NAALADL2: variants seen among roughly 807,000 people sequenced by gnomAD.
NAALADL2 encodes inactive N-acetylated-alpha-linked acidic dipeptidase-like protein 2.
Under a neutral mutation model 87.2 loss-of-function variants are expected in NAALADL2, and 76 were observed. The observed-to-expected ratio is 0.87, with a 90% CI of 0.72 to 1.05. The LOEUF (loss-of-function observed/expected upper bound fraction) is 1.05, where lower values mean the gene tolerates loss of function less well. NAALADL2 is among the 50% of genes least tolerant of loss of function. The pLI is 0.00. For synonymous variants in NAALADL2, 354 were observed against 331.0 expected, an observed-to-expected ratio of 1.07 and a Z score of -0.75; for missense variants, 1,089 against 945.8, an observed-to-expected ratio of 1.15 and a Z score of -1.99.
At chr3:174,584,956 A>T (rs1392199417) in intron 2 of NAALADL2, among the ~76,000 whole-genome samples, 2 of 152,290 alleles carry the variant, frequency 1.3e-5, no homozygotes, top group East Asian at 3.9e-4. Flanking sequence ...TATAAATCTA[A>T]TATTTCAGTC....
chr3:174,815,255 G>A (rs1326463989), intron 3 of NAALADL2, among the ~76,000 whole-genome samples: 1 of 152,078 alleles, frequency 6.6e-6, no homozygotes, highest in Non-Finnish European at 1.5e-5. Flanking sequence ...TATTTTCTCG[G>A]AGTGCTGGAG....
intron 5 of NAALADL2, among the ~76,000 whole-genome samples, chr3:175,374,020 T>A (rs1308293802): frequency 1.3e-5 from 2 of 151,164 alleles, no homozygotes; most frequent in African/African-American, 4.9e-5. Flanking sequence ...TACTATTGAA[T>A]TTTTTTATAT....
At chr3:175,068,550 C>A (rs1714972819) in intron 1 of NAALADL2, among the ~76,000 whole-genome samples, 1 of 152,060 alleles carries the variant, frequency 6.6e-6, no homozygotes, top group Non-Finnish European at 1.5e-5. Flanking sequence ...TTGTCTCTCG[C>A]AAACTTGGGA....
intron 3 of NAALADL2, among the ~76,000 whole-genome samples, chr3:174,775,885 C>T (rs1006170048): frequency 6.6e-6 from 1 of 152,152 alleles, no homozygotes; most frequent in African/African-American, 2.4e-5. Flanking sequence ...CCGTAAAGGG[C>T]AATCTGAGTG....
At chr3:174,950,305 A>G (rs1740144032) in intron 1 of NAALADL2, among the ~76,000 whole-genome samples, 1 of 152,098 alleles carries the variant, frequency 6.6e-6, no homozygotes, top group African/African-American at 2.4e-5. Flanking sequence ...AGAGTTCCCA[A>G]AAGTTTTATA....
At position 174,658,774 on chromosome 3, in the gene NAALADL2, A is replaced by G. The variant is rs1445693030; in HGVS notation, c.-114-78867A>G. 2.6e-5 allele frequency among the ~76,000 whole-genome samples: 4 copies of G among 152,312 alleles called. No individual in the cohort carries two copies. In the East Asian group the frequency reaches 5.8e-4, roughly 22 times the overall value. On this transcript the variant is annotated intron_variant, in intron 2 of 3. Transcript: ENST00000434257. ...CTAAGTGATAAGAAAGCATTTTATA[A>G]TGGTTTGATATTCATTTCTTATTTT...
At chr3:174,832,245 T>C (rs1487071901) in intron 3 of NAALADL2, among the ~76,000 whole-genome samples, 1 of 152,182 alleles carries the variant, frequency 6.6e-6, no homozygotes, top group African/African-American at 2.4e-5. Context: ...TATGGGCATT[T>C]AGTGCTATAA....
chr3:174,569,969 T>C (rs1000772600), intron 2 of NAALADL2, among the ~76,000 whole-genome samples: 9 of 152,072 alleles, frequency 5.9e-5, no homozygotes, highest in African/African-American at 1.9e-4. Context: ...TGTGGTACTC[T>C]CTCCTGCAAA....
intron 1 of NAALADL2, among the ~76,000 whole-genome samples, chr3:174,994,617 A>G (rs1747185007): frequency 1.3e-5 from 2 of 152,146 alleles, no homozygotes; most frequent in African/African-American, 4.8e-5. Flanking sequence ...GGTCAACAAA[A>G]CAGAGTGTAA....
At chr3:175,349,649 G>T (rs6762834) in intron 5 of NAALADL2, among the ~76,000 whole-genome samples, 15,503 of 152,030 alleles carry the variant, frequency 0.1, 924 homozygotes, top group Admixed American at 0.14. Context: ...GTTTGTAGAA[G>T]GTGAGAAAAT....
intron 4 of NAALADL2, among the ~76,000 whole-genome samples, chr3:175,285,055 A>G (rs1344833118): frequency 2.0e-5 from 3 of 152,192 alleles, no homozygotes; most frequent in Non-Finnish European, 4.4e-5. Flanking sequence ...TGGATGGCAT[A>G]AATTAAAGAT....
chr3:175,190,335 C>T (rs901759513), intron 2 of NAALADL2, among the ~76,000 whole-genome samples: 2 of 151,782 alleles, frequency 1.3e-5, no homozygotes, highest in African/African-American at 4.8e-5. Flanking sequence ...TCAACATTTA[C>T]AAAGAACTTA....
chr3:174,887,726 G>A (rs1457070710), intron 1 of NAALADL2, among the ~76,000 whole-genome samples: 1 of 151,942 alleles, frequency 6.6e-6, no homozygotes, highest in Non-Finnish European at 1.5e-5. Flanking sequence ...GAGCCCAAGT[G>A]GTCAAGGCTG....
chr3:175,459,379 A>T (rs577330166), intron 6 of NAALADL2, among the ~76,000 whole-genome samples: 1 of 152,220 alleles, frequency 6.6e-6, no homozygotes, highest in African/African-American at 2.4e-5. Context: ...TTCAAGAGCT[A>T]GAAGATCAGA....
chr3:175,520,315 G>A (rs1201276880), intron 9 of NAALADL2, among the ~76,000 whole-genome samples: 23 of 132,202 alleles, frequency 1.7e-4, no homozygotes, highest in Non-Finnish European at 2.9e-4. Flanking sequence ...TTTTTGAGAC[G>A]GAGTCTCGCT....
chr3:175,536,841 G>T (rs1734886163), intron 9 of NAALADL2, among the ~76,000 whole-genome samples: 1 of 152,146 alleles, frequency 6.6e-6, no homozygotes, highest in Non-Finnish European at 1.5e-5. Flanking sequence ...AATTAGCCGG[G>T]CGTGGTGGCG....
chr3:174,814,597 T>C (rs192591370), intron 3 of NAALADL2, among the ~76,000 whole-genome samples: 8 of 152,290 alleles, frequency 5.3e-5, no homozygotes, highest in East Asian at 3.9e-4. Context: ...TTGTGCTCTT[T>C]AGGGCATGAA....
intron 2 of NAALADL2, among the ~76,000 whole-genome samples, chr3:174,697,810 G>A (rs1729171544): frequency 6.6e-6 from 1 of 152,096 alleles, no homozygotes; most frequent in African/African-American, 2.4e-5. Context: ...ACCAATAAAT[G>A]GCTGGACGCG....
intron 2 of NAALADL2, among the ~76,000 whole-genome samples, chr3:174,563,491 G>C (rs188197174): frequency 6.6e-6 from 1 of 150,636 alleles, no homozygotes; most frequent in Non-Finnish European, 1.5e-5. Context: ...AGATTTATTT[G>C]GATTAATTTA....
Sources: allele counts gnomAD v4.1 joint callset (sites outside exome capture counted in the v4.1 genomes callset), GRCh38; gene constraint gnomAD v4.1.1; transcripts MANE v1.5; gene names NCBI Gene and HGNC (gene_info 2026-07-23, HGNC 2026-07-21).